Variants in C6orf132 observed in about 807,000 individuals in gnomAD.
C6orf132 encodes uncharacterized protein C6orf132.
Under a neutral mutation model 65.3 loss-of-function variants are expected in C6orf132, and 43 were observed. The ratio of observed to expected loss-of-function variants is 0.66; its 90% CI spans 0.52 to 0.85. C6orf132 has a LOEUF of 0.85. Among genes scored for constraint, C6orf132 ranks in the 40% least tolerant of loss-of-function variants. The pLI, the probability that C6orf132 is intolerant of heterozygous loss-of-function variation, is 0.00. For synonymous variants in C6orf132, 631 were observed against 654.1 expected (o/e 0.96, Z 0.54); for missense variants, 1,488 against 1,548.8 (o/e 0.96, Z 0.66).
At chr6:42,139,417 T>G (rs1337121538) in intron 1 of C6orf132, among the ~76,000 whole-genome samples, 1 of 152,240 alleles carries the variant, frequency 6.6e-6, no homozygotes, top group Non-Finnish European at 1.5e-5. Context: ...GCCAGTAAAC[T>G]TTTTCTGTAC....
chr6:42,127,098 G>C (rs1766779816), intron 2 of C6orf132, among the ~76,000 whole-genome samples: 1 of 152,006 alleles, frequency 6.6e-6, no homozygotes, highest in Non-Finnish European at 1.5e-5. Context: ...GGGACTATAG[G>C]CACACACCAC....
intron 2 of C6orf132, 71 bp from the exon 3 acceptor site, chr6:42,110,362 G>A: frequency 1.6e-6 from 2 of 1,287,100 alleles, no homozygotes; most frequent in African/African-American, 3.0e-5. Context: ...GCTGCTCTTT[G>A]AGGCCATTTT....
chr6:42,142,620 T>A lies in C6orf132; in HGVS notation c.-176A>T, dbSNP rs1352783472. ...GCGGGCGCCGCCGCTTGCCGGGAAA[T>A]GCGAGCTACCTGGCCAGGTAAAAGG... On this transcript the variant is annotated 5_prime_UTR_variant, in exon 1 of 5. Coordinates refer to ENST00000341865, the MANE Select transcript of C6orf132 (RefSeq NM_001164446.3). 2 of 576,514 alleles carry A rather than the reference T, an allele frequency of 3.5e-6. No individual in the cohort carries two copies. The highest frequency in any genetic ancestry group is 5.4e-6 in the Non-Finnish European group (2 of 367,764). The allele number at this position is 576,514 out of a possible 1,614,324, so 35.7% of individuals were successfully genotyped here.
Position 42,142,451 on chromosome 6 carries a change from G to A in C6orf132, c.-7C>T. Reference sequence around the variant, plus strand: ...CCGTCTGCTTCTTTTTCATGCTGCCGCAGCCCGCGCGGGCGCCAGGGAAGG... The same window carrying A: ...CCGTCTGCTTCTTTTTCATGCTGCCACAGCCCGCGCGGGCGCCAGGGAAGG... On this transcript the variant is annotated 5_prime_UTR_variant, in exon 1 of 5. Transcript: ENST00000341865. 1 of 1,549,812 alleles carries A rather than the reference G, an allele frequency of 6.5e-7. No individual in the cohort carries two copies. Among genetic ancestry groups the A allele is most frequent in the African/African-American group, 1.4e-5 (1 of 73,070 alleles).
At chr6:42,137,085 C>T (rs1002730688) in intron 1 of C6orf132, among the ~76,000 whole-genome samples, 3 of 152,222 alleles carry the variant, frequency 2.0e-5, no homozygotes, top group African/African-American at 7.2e-5. Context: ...GATGTTTGAG[C>T]TACCCCGGAC....
At chr6:42,116,304 G>A (rs1413597484) in intron 2 of C6orf132, among the ~76,000 whole-genome samples, 2 of 152,060 alleles carry the variant, frequency 1.3e-5, no homozygotes, top group African/African-American at 4.8e-5. Context: ...CATTGCTACC[G>A]CCATTTTCCA....
intron 2 of C6orf132, among the ~76,000 whole-genome samples, chr6:42,123,582 GAAA>G (rs1189513443): frequency 4.0e-5 from 6 of 150,326 alleles, no homozygotes; most frequent in Non-Finnish European, 8.8e-5. Flanking sequence ...GAAGAAAGAA[GAAA>G]GAAGAAGAAG....
At chr6:42,126,094 T>C (rs1018870537) in intron 2 of C6orf132, among the ~76,000 whole-genome samples, 3 of 151,832 alleles carry the variant, frequency 2.0e-5, no homozygotes, top group Admixed American at 6.6e-5. Flanking sequence ...TTTTTTGTTT[T>C]TTTTTGAGAT....
chr6:42,141,136 T>G (rs1019373957), intron 1 of C6orf132, among the ~76,000 whole-genome samples: 1 of 152,178 alleles, frequency 6.6e-6, no homozygotes, highest in East Asian at 1.9e-4. Flanking sequence ...TGATCTGATA[T>G]CTTTGTGCCA....
chr6:42,117,565 G>A (rs761803551), intron 2 of C6orf132, among the ~76,000 whole-genome samples: 5 of 152,056 alleles, frequency 3.3e-5, no homozygotes, highest in Non-Finnish European at 5.9e-5. Flanking sequence ...GACACAGACC[G>A]GGCAGTTAAA....
intron 1 of C6orf132, among the ~76,000 whole-genome samples, chr6:42,137,512 G>T (rs969318914): frequency 1.3e-5 from 2 of 152,004 alleles, no homozygotes; most frequent in Non-Finnish European, 2.9e-5. Context: ...TGAAACAAAG[G>T]GTCAGGAGAC....
Position 42,105,333 on chromosome 6 carries a change from C to T in C6orf132, c.2579G>A (p.Gly860Asp). 1 of 1,536,886 alleles carries T rather than the reference C, an allele frequency of 6.5e-7. No individual in the cohort carries two copies. The highest frequency in any genetic ancestry group is 8.7e-7 in the Non-Finnish European group (1 of 1,146,882). The change falls in exon 4 of 5, where the codon GGT (glycine) becomes GAT (aspartate). Residue 860 changes from glycine to aspartate, a missense_variant. By Grantham distance (94) the Gly-to-Asp change is moderately conservative (BLOSUM62 -1). Coordinates refer to ENST00000341865, the MANE Select transcript of C6orf132 (RefSeq NM_001164446.3). ...QKGRSVGAAL[G>D]RSSLPGSLRD... ...GAGACTTCCTGGCAGAGAGGACCGACCCAGGGCAGCCCCTACAGACCTTCC... is the reference window on the plus strand; with the variant it reads ...GAGACTTCCTGGCAGAGAGGACCGATCCAGGGCAGCCCCTACAGACCTTCC...
rs1043947234 is a variant in C6orf132, at chr6:42,103,585, C to T, written c.*176G>A. The T allele has an allele frequency of 4.9e-6, 2 of 404,890 alleles. No homozygotes were observed. The highest frequency in any genetic ancestry group is 2.1e-5 in the African/African-American group (1 of 48,428). The allele number at this position is 404,890 out of a possible 1,614,324, so 25.1% of individuals were successfully genotyped here. On this transcript the variant is annotated 3_prime_UTR_variant, in exon 5 of 5. Coordinates refer to ENST00000341865, the MANE Select transcript of C6orf132 (RefSeq NM_001164446.3). ...CAGCGCTTTGGGAAACAGAAGCCCA[C>T]TCTCGGTCTTCCTGGGCCACTGCTT...
intron 4 of C6orf132, 77 bp from the exon 5 acceptor site, chr6:42,103,955 G>T: frequency 1.0e-6 from 1 of 998,818 alleles, no homozygotes; most frequent in Non-Finnish European, 1.3e-6. Context: ...CCGAGGGACC[G>T]AGAGGAAAAG....
chr6:42,139,631 C>T (rs758904931), intron 1 of C6orf132, among the ~76,000 whole-genome samples: 21 of 152,160 alleles, frequency 1.4e-4, no homozygotes, highest in Non-Finnish European at 2.5e-4. Context: ...CTTGTCCAAC[C>T]CATGGCCCAA....
At chr6:42,117,028 T>G (rs1048237686) in intron 2 of C6orf132, among the ~76,000 whole-genome samples, 1 of 152,218 alleles carries the variant, frequency 6.6e-6, no homozygotes, top group Non-Finnish European at 1.5e-5. Flanking sequence ...CTTGTTCTTG[T>G]TCTTACTCTG....
At position 42,131,276 on chromosome 6, in the gene C6orf132, A is replaced by C. The variant is rs528042891; in HGVS notation, c.146-2498T>G. ...ACTCAGGTGATCTACACACCTCAGCATCCCAAACTGCTGGGATTACAGGTG... is the reference window on the plus strand; with the variant it reads ...ACTCAGGTGATCTACACACCTCAGCCTCCCAAACTGCTGGGATTACAGGTG... On this transcript the variant is annotated intron_variant, in intron 1 of 4. Transcript: ENST00000341865. Among the ~76,000 whole-genome samples, 10 of 152,112 alleles carry C rather than the reference A, an allele frequency of 6.6e-5. No homozygotes were observed. The East Asian group carries it at 1.7e-3, about 26-fold the overall frequency.
At chr6:42,115,652 AT>A (rs1413423539) in intron 2 of C6orf132, among the ~76,000 whole-genome samples, 1 of 152,214 alleles carries the variant, frequency 6.6e-6, no homozygotes, top group Non-Finnish European at 1.5e-5. Flanking sequence ...TCTCAAAAAA[AT>A]AAAATAAATA....
rs1277561981 is a variant in C6orf132 at position 42,107,298 on chromosome 6, G to A, written c.614C>T (p.Ser205Phe). The A allele has an allele frequency of 7.5e-7, 1 of 1,328,670 alleles. No individual in the cohort carries two copies. The highest frequency in any genetic ancestry group is 3.1e-5 in the Admixed American group (1 of 31,802). 82.3% of individuals were successfully genotyped at this position (1,328,670 alleles called of 1,614,324 possible). The change falls in exon 4 of 5, where the codon TCC becomes TTC. Residue 205 changes from serine to phenylalanine, a missense_variant. Transcript: ENST00000341865. ...GTCAGGAGGGGTGGGTATGGATGGG[G>A]AGGAAAGAGTGTGTGGTGGGGATAG... is the stretch of plus-strand genomic sequence containing the variant. ...EALSPPHTLSSPSIPTPPDFI... is the reference protein window; with the variant it reads ...EALSPPHTLSFPSIPTPPDFI...
Sources: gnomAD v4.1 joint callset for allele counts (sites outside exome capture counted in the v4.1 genomes callset) on GRCh38, gnomAD v4.1.1 for gene constraint, MANE v1.5 for transcripts, NCBI Gene and HGNC (gene_info 2026-07-23, HGNC 2026-07-21) for gene names.